The following AP2B1 variants were observed in gnomAD, a reference collection of about 807,000 sequenced individuals.
The protein encoded by AP2B1 is AP-2 complex subunit beta.
AP2B1 carries 23 observed loss-of-function variants against 102.0 expected under a neutral mutation model. The ratio of observed to expected loss-of-function variants is 0.23; its 90% CI spans 0.16 to 0.32. The LOEUF (loss-of-function observed/expected upper bound fraction) is 0.32, where lower values mean the gene tolerates loss of function less well. Among genes scored for constraint, AP2B1 ranks in the 10% least tolerant of loss-of-function variants. AP2B1 has a pLI of 1.00. For missense variants in AP2B1, 541 were observed against 1,157.4 expected (o/e 0.47, Z 7.73); for synonymous variants, 381 against 421.2 (o/e 0.90, Z 1.17).
chr17:35,620,450 C>A (rs1386431480), intron 5 of AP2B1, among the ~76,000 whole-genome samples: 1 of 152,042 alleles, frequency 6.6e-6, no homozygotes, highest in Non-Finnish European at 1.5e-5. Flanking sequence ...TCTCTTAAAA[C>A]CAACCAACCA....
chr17:35,693,586 A>G (rs1008436845), intron 18 of AP2B1, among the ~76,000 whole-genome samples: 56 of 152,206 alleles, frequency 3.7e-4, no homozygotes, highest in African/African-American at 1.3e-3. Flanking sequence ...AGAAGGAGGG[A>G]CCCTGGTAAA....
chr17:35,605,181 A>G (rs2073627182), intron 3 of AP2B1, among the ~76,000 whole-genome samples: 1 of 151,508 alleles, frequency 6.6e-6, no homozygotes, highest in South Asian at 2.1e-4. Context: ...CTGAGATTGC[A>G]TACCTGAGCC....
chr17:35,689,439 A>G (rs1279075974), intron 18 of AP2B1, among the ~76,000 whole-genome samples: 2 of 152,196 alleles, frequency 1.3e-5, no homozygotes, highest in Non-Finnish European at 2.9e-5. Context: ...GTGGGATTAC[A>G]GGTATGAGCT....
At chr17:35,623,359 T>C (rs1598078894) in intron 5 of AP2B1, among the ~76,000 whole-genome samples, 1 of 152,076 alleles carries the variant, frequency 6.6e-6, no homozygotes, top group Non-Finnish European at 1.5e-5. Flanking sequence ...AGGTCAGGGG[T>C]TCGAGACCAG....
chr17:35,693,524 G>C (rs587705842), intron 18 of AP2B1, among the ~76,000 whole-genome samples: 3 of 152,020 alleles, frequency 2.0e-5, no homozygotes, highest in Non-Finnish European at 2.9e-5. Context: ...TTATGGAAAG[G>C]CATTTATATA....
chr17:35,695,849 G>C (rs190322279), intron 18 of AP2B1, among the ~76,000 whole-genome samples: 2 of 152,108 alleles, frequency 1.3e-5, no homozygotes, highest in East Asian at 3.9e-4. Flanking sequence ...CTTGGTTGCC[G>C]TTGTCTCATC....
At chr17:35,694,269 G>T (rs920635148) in intron 18 of AP2B1, among the ~76,000 whole-genome samples, 1 of 151,434 alleles carries the variant, frequency 6.6e-6, no homozygotes, top group East Asian at 1.9e-4. Context: ...TTTCAGTCAG[G>T]GTCTTGCTCA....
At chr17:35,628,926 G>A (rs1244466964) in intron 9 of AP2B1, among the ~76,000 whole-genome samples, 1 of 151,810 alleles carries the variant, frequency 6.6e-6, no homozygotes, top group Non-Finnish European at 1.5e-5. Context: ...CTTTCTTATA[G>A]CATCTTTTTT....
chr17:35,661,981 T>A (rs1036245228), intron 14 of AP2B1, among the ~76,000 whole-genome samples: 1 of 152,218 alleles, frequency 6.6e-6, no homozygotes, highest in African/African-American at 2.4e-5. Context: ...TATCAATTTA[T>A]TATTTATTTG....
Position 35,650,881 on chromosome 17 carries a change from G to A in AP2B1, c.1796+92G>A, listed in dbSNP as rs534249783. ...TGCTTTTATAGTCTGGAAAAGAACT[G>A]CTGTACATTTTTGCTTCTTTATGCT... On this transcript the variant is annotated intron_variant, in intron 13 of 21. Transcript: ENST00000610402. The A allele has an allele frequency of 1.1e-5, 16 of 1,443,104 alleles. 2 individuals carry two copies. In the South Asian group the frequency reaches 2.2e-4, roughly 19 times the overall value. 89.4% of individuals were successfully genotyped at this position (1,443,104 alleles called of 1,614,324 possible).
chr17:35,628,834 A>G (rs879669439), intron 9 of AP2B1, among the ~76,000 whole-genome samples: 1 of 152,136 alleles, frequency 6.6e-6, no homozygotes, highest in African/African-American at 2.4e-5. Flanking sequence ...TTCTTATTCT[A>G]TCAACTGTTG....
At chr17:35,641,311 G>A (rs910172836) in intron 11 of AP2B1, among the ~76,000 whole-genome samples, 7 of 152,176 alleles carry the variant, frequency 4.6e-5, no homozygotes, top group Non-Finnish European at 1.0e-4. Context: ...GGTTACTCAT[G>A]CCTGTAATCC....
At chr17:35,638,524 C>T (rs1360467950) in intron 10 of AP2B1, among the ~76,000 whole-genome samples, 1 of 152,072 alleles carries the variant, frequency 6.6e-6, no homozygotes, top group African/African-American at 2.4e-5. Flanking sequence ...CGCGGTGGCT[C>T]ACGCCTGTAA....
intron 18 of AP2B1, among the ~76,000 whole-genome samples, chr17:35,705,838 A>G (rs1226179063): frequency 6.6e-6 from 1 of 152,094 alleles, no homozygotes; most frequent in African/African-American, 2.4e-5. Flanking sequence ...CACTGTGCCC[A>G]GCCGAATTTT....
intron 13 of AP2B1, among the ~76,000 whole-genome samples, chr17:35,656,640 AAT>A (rs2075228159): frequency 6.6e-6 from 1 of 152,230 alleles, no homozygotes; most frequent in Admixed American, 6.5e-5. Context: ...TCACGCCTGT[AAT>A]CCCAGCACTT....
intron 14 of AP2B1, among the ~76,000 whole-genome samples, chr17:35,669,988 A>G (rs1037254799): frequency 8.5e-5 from 13 of 152,134 alleles, no homozygotes; most frequent in African/African-American, 1.9e-4. Context: ...TATGCCACCT[A>G]TTTTCAGCTT....
chr17:35,613,386 A>G (rs1404274906), intron 5 of AP2B1, among the ~76,000 whole-genome samples: 1 of 152,110 alleles, frequency 6.6e-6, no homozygotes. Context: ...TGCAGGTAAC[A>G]AAGCTTTACC....
chr17:35,709,134 G>C (rs2049745408), intron 18 of AP2B1, 90 bp from the exon 19 acceptor site: 1 of 1,095,332 alleles, frequency 9.1e-7, no homozygotes, highest in Non-Finnish European at 1.4e-6. Flanking sequence ...GAAGGAAATA[G>C]GGAGGCCTAT....
chr17:35,666,443 G>A (rs2075467200), intron 14 of AP2B1, among the ~76,000 whole-genome samples: 1 of 152,144 alleles, frequency 6.6e-6, no homozygotes, highest in African/African-American at 2.4e-5. Flanking sequence ...TTTGGATTTA[G>A]GTATCAGTTA....
Sources: allele counts gnomAD v4.1 joint callset (sites outside exome capture counted in the v4.1 genomes callset), GRCh38; gene constraint gnomAD v4.1.1; transcripts MANE v1.5; gene names NCBI Gene and HGNC (gene_info 2026-07-23, HGNC 2026-07-21).